Variants in IGF2R observed in about 807,000 individuals in gnomAD.
IGF2R encodes the protein insulin like growth factor 2 receptor, also known as cation-independent mannose-6-phosphate receptor.
A neutral mutation model predicts 270.6 loss-of-function variants in IGF2R; 91 were observed. The ratio of observed to expected loss-of-function variants is 0.34; its 90% confidence interval spans 0.28 to 0.40. The LOEUF (loss-of-function observed/expected upper bound fraction) is 0.40. IGF2R is among the 10% of genes least tolerant of loss of function. The pLI is 1.00. For missense variants in IGF2R, 2,805 were observed against 3,188.3 expected, an observed-to-expected ratio of 0.88 and a Z score of 2.90; for synonymous variants, 1,316 against 1,258.9, an observed-to-expected ratio of 1.05 and a Z score of -0.96.
In IGF2R at chr6:160,083,954, C is replaced by T; in HGVS notation, c.5838C>T (p.Asn1946=). 6.2e-7 allele frequency: 1 copy of T among 1,611,578 alleles called. No individual in the cohort carries two copies. The highest frequency in any genetic ancestry group is 8.5e-7 in the Non-Finnish European group (1 of 1,177,654). Residue 1946 remains asparagine, a synonymous_variant, in exon 40 of 48, where the codon AAC becomes AAT. Coordinates refer to ENST00000356956, the MANE Select transcript of IGF2R (RefSeq NM_000876.4). The part of the protein sequence containing the change: ...DHEWGFCRHS[N]SYRTSSIIFK... Reference sequence around the variant, plus strand: ...TCTTTTCCCTACACTCCCCAGCAAACAGCTACCGGACATCCAGCATCATAT... The same window carrying T: ...TCTTTTCCCTACACTCCCCAGCAAATAGCTACCGGACATCCAGCATCATAT...
Position 160,079,599 on chromosome 6 carries a change from C to T in IGF2R, c.5498C>T (p.Thr1833Ile). The T allele has an allele frequency of 6.8e-7, 1 of 1,465,122 alleles. No homozygotes were observed. 90.8% of individuals were successfully genotyped at this position (1,465,122 alleles called of 1,614,324 possible). ...STFKVTRDSRTYSVGVCTFAV... is the reference protein window; with the variant it reads ...STFKVTRDSRIYSVGVCTFAV... Reference sequence around the variant, plus strand: ...GTCCAGGTGACTCGCGACTCGCGCACCTACAGCGTTGGGGTGTGCACCTTT... The same window carrying T: ...GTCCAGGTGACTCGCGACTCGCGCATCTACAGCGTTGGGGTGTGCACCTTT... Residue 1833 changes from threonine (T) to isoleucine (I), a missense_variant, in exon 38 of 48, where the codon ACC becomes ATC. Transcript: ENST00000356956.
intron 2 of IGF2R, among the ~76,000 whole-genome samples, chr6:160,001,803 C>G (rs1185007328): frequency 6.6e-6 from 1 of 152,164 alleles, no homozygotes; most frequent in Admixed American, 6.5e-5. Flanking sequence ...TTTCATAGGG[C>G]CTGTGAACAA....
intron 1 of IGF2R, among the ~76,000 whole-genome samples, chr6:159,975,295 C>T (rs188122633): frequency 6.6e-5 from 10 of 152,260 alleles, no homozygotes; most frequent in East Asian, 3.9e-4. Context: ...ACAAGGGATA[C>T]GGATGAAGAG....
At chr6:160,045,636 C>A in intron 13 of IGF2R, 109 bp from the exon 14 acceptor site, 1 of 1,356,514 alleles carries the variant, frequency 7.4e-7, no homozygotes. Flanking sequence ...ATGCATTATA[C>A]CTCATTTCCC....
chr6:160,094,896 T>TC (rs1241230342), intron 44 of IGF2R: 1 of 46,002 alleles, frequency 2.2e-5, no homozygotes, highest in Non-Finnish European at 3.6e-5. Context: ...AGACTCCATC[T>TC]CAAAAAAAAA....
chr6:160,105,259 A>G lies in IGF2R; in HGVS notation c.*175A>G. 2 of 593,274 alleles carry G rather than the reference A, an allele frequency of 3.4e-6. No individual in the cohort carries two copies. The highest frequency in any genetic ancestry group is 5.9e-6 in the Non-Finnish European group (2 of 339,312). The allele number at this position is 593,274 out of a possible 1,614,324, so 36.8% of individuals were successfully genotyped here. Reference sequence around the variant, plus strand: ...GGAGGTCAGGCCCCACTCCTTCCTGATTGTTTACAGTCATTGGAATAAGGC... The same window carrying G: ...GGAGGTCAGGCCCCACTCCTTCCTGGTTGTTTACAGTCATTGGAATAAGGC... On this transcript the variant is annotated 3_prime_UTR_variant, in exon 48 of 48. Coordinates refer to ENST00000356956, the MANE Select transcript of IGF2R (RefSeq NM_000876.4).
chr6:160,034,711 C>CCAGT (rs1301483417), intron 10 of IGF2R, among the ~76,000 whole-genome samples, 189 bp downstream of exon 10: 1 of 152,128 alleles, frequency 6.6e-6, no homozygotes, highest in African/African-American at 2.4e-5. Context: ...CCCCACTGCC[C>CCAGT]CAGTGGACAC....
chr6:160,093,733 C>G, intron 44 of IGF2R: 1 of 758,226 alleles, frequency 1.3e-6, no homozygotes, highest in Non-Finnish European at 2.5e-6. Flanking sequence ...AACCACTCAA[C>G]AGCCGAAGCA....
chr6:159,990,417 C>T (rs558192973), intron 1 of IGF2R, among the ~76,000 whole-genome samples: 4 of 152,198 alleles, frequency 2.6e-5, no homozygotes, highest in African/African-American at 9.6e-5. Flanking sequence ...CCTTTTGCTC[C>T]GCACTTCTCC....
At position 160,071,915 on chromosome 6, in the gene IGF2R, C is replaced by G. The variant is rs8191881; in HGVS notation, c.4449C>G (p.Ser1483=). ...CTGTCTGTGCTTTGTTGTAGAACTC[C>G]AGGCCCATGTTCATCAGCGCCGTGG... ...RFTCSESQVN[S]RPMFISAVED... The change falls in exon 32 of 48, where the codon TCC becomes TCG. Residue 1483 remains serine (S), a synonymous_variant. Coordinates refer to ENST00000356956, the MANE Select transcript of IGF2R (RefSeq NM_000876.4). 2 of 1,614,114 alleles carry G rather than the reference C, an allele frequency of 1.2e-6. No individual in the cohort carries two copies. The highest frequency in any genetic ancestry group is 1.3e-5 in the African/African-American group (1 of 75,016).
intron 30 of IGF2R, 24 bp downstream of exon 30, chr6:160,068,409 G>C (rs1232655570): frequency 1.6e-5 from 25 of 1,610,296 alleles, no homozygotes; most frequent in South Asian, 2.2e-5. Context: ...TCCTCGTGGG[G>C]TGGTGTTTGC....
At chr6:160,095,848 G>C (rs1779344788) in intron 44 of IGF2R, 1 of 152,480 alleles carries the variant, frequency 6.6e-6, no homozygotes, top group Non-Finnish European at 1.5e-5. Flanking sequence ...AGCTATTGAA[G>C]ATGTGTACAT....
Position 160,064,874 on chromosome 6 carries a change from C to T in IGF2R, c.4088C>T (p.Pro1363Leu). 1 of 1,612,336 alleles carries T rather than the reference C, an allele frequency of 6.2e-7. No individual in the cohort carries two copies. Among genetic ancestry groups the T allele is most frequent in the Non-Finnish European group, 8.5e-7 (1 of 1,178,280 alleles). The change falls in exon 29 of 48, where the codon CCT (proline) becomes CTT (leucine). Residue 1363 changes from proline (P) to leucine (L), a missense_variant. This residue lies in a region of IGF2R where 1,851 missense variants were observed against 2,207.2 expected (regional missense o/e 0.84). Transcript: ENST00000356956. The stretch of plus-strand genomic sequence containing the variant: ...TGGCGAACGCAGTATGCCTGCCCAC[C>T]TTTCGATCTGACTGAATGTTCATTC... Reference protein sequence around the residue: ...FEWRTQYACPPFDLTECSFKD... With the variant: ...FEWRTQYACPLFDLTECSFKD...
At chr6:160,104,575 A>G (rs1779569681) in intron 47 of IGF2R, 99 bp from the exon 48 acceptor site, 1 of 1,278,692 alleles carries the variant, frequency 7.8e-7, no homozygotes, top group Middle Eastern at 2.0e-4. Context: ...GTTCTTCCCC[A>G]GCTCGTGCCA....
intron 41 of IGF2R, among the ~76,000 whole-genome samples, chr6:160,086,923 C>G (rs1365178660): frequency 6.6e-6 from 1 of 152,096 alleles, no homozygotes; most frequent in Non-Finnish European, 1.5e-5. Context: ...CCTGGACACC[C>G]TGCGCCATGC....
chr6:160,063,683 T>G, intron 27 of IGF2R, 53 bp downstream of exon 27: 1 of 1,378,910 alleles, frequency 7.3e-7, no homozygotes, highest in Non-Finnish European at 1.0e-6. Flanking sequence ...ATTAAAATAT[T>G]AAAATATTTT....
rs777012550 is a variant in IGF2R, at chr6:160,073,876, T to C, written c.5067T>C (p.Asp1689=). The change falls in exon 35 of 48, where the codon GAT becomes GAC. Residue 1689 remains aspartate (D), a synonymous_variant. Transcript: ENST00000356956. ...SEDDASDTNP[D]FYINICQPLN... ...ATGATGCCTCCGATACCAACCCTGATTTCTACATCAATATTTGTCAGCCAC... is the reference window on the plus strand; with the variant it reads ...ATGATGCCTCCGATACCAACCCTGACTTCTACATCAATATTTGTCAGCCAC... 6.2e-7 allele frequency: 1 copy of C among 1,614,064 alleles called. No individual in the cohort carries two copies. The highest frequency in any genetic ancestry group is 1.3e-5 in the African/African-American group (1 of 74,926).
chr6:159,977,539 C>G (rs929563184), intron 1 of IGF2R, among the ~76,000 whole-genome samples: 2 of 152,236 alleles, frequency 1.3e-5, no homozygotes, highest in African/African-American at 2.4e-5. Context: ...TTGCTGCTGG[C>G]AGCGTGTGGC....
rs1779660127 is a variant in IGF2R at position 160,108,055 on chromosome 6, G to A, written c.*2971G>A. 6.6e-6 allele frequency: 1 copy of A among 152,312 alleles called. No individual in the cohort carries two copies. Among genetic ancestry groups the A allele is most frequent in the South Asian group, 2.1e-4 (1 of 4,834 alleles). The allele number at this position is 152,312 out of a possible 1,614,324, so 9.4% of individuals were successfully genotyped here. A position where few individuals can be genotyped will look rare whatever the true frequency, so the allele number is the denominator to read the frequency against. Reference sequence around the variant, plus strand: ...CCTGTTGGCGATCGGGTCACAAGGAGCCAGTGTGTGTGTCACCAGGAGGTT... The same window carrying A: ...CCTGTTGGCGATCGGGTCACAAGGAACCAGTGTGTGTGTCACCAGGAGGTT... On this transcript the variant is annotated 3_prime_UTR_variant, in exon 48 of 48. Coordinates refer to ENST00000356956, the MANE Select transcript of IGF2R (RefSeq NM_000876.4).
Sources: allele counts gnomAD v4.1 joint callset (sites outside exome capture counted in the v4.1 genomes callset), GRCh38; gene constraint gnomAD v4.1.1; regional missense constraint gnomAD v4.1.1; transcripts MANE v1.5; gene names NCBI Gene and HGNC (gene_info 2026-07-23, HGNC 2026-07-21).